NEO1: variants seen among roughly 807,000 people sequenced by gnomAD.
The protein encoded by NEO1 is neogenin 1.
Under a neutral mutation model 159.7 loss-of-function variants are expected in NEO1, and 63 were observed. That is an observed-to-expected ratio of 0.39 (90% CI 0.32 to 0.49). The LOEUF (loss-of-function observed/expected upper bound fraction) is 0.49, where lower values mean the gene tolerates loss of function less well. NEO1 is among the 20% of genes least tolerant of loss of function. The probability of loss-of-function intolerance (pLI) is 0.85; values close to 1 mark genes in which losing one functional copy is unlikely to be tolerated. For missense variants in NEO1, 1,615 were observed against 1,831.0 expected (o/e 0.88, Z 2.15); for synonymous variants, 633 against 662.0 (o/e 0.96, Z 0.67).
chr15:73,148,523 TC>T (rs1567315020), intron 5 of NEO1, among the ~76,000 whole-genome samples: 1 of 152,122 alleles, frequency 6.6e-6, no homozygotes, highest in South Asian at 2.1e-4. Flanking sequence ...TTGTATTTCT[TC>T]CCCCGCTACC....
chr15:73,259,482 C>G (rs929120727), intron 14 of NEO1, among the ~76,000 whole-genome samples: 6 of 151,834 alleles, frequency 4.0e-5, no homozygotes, highest in African/African-American at 1.5e-4. Flanking sequence ...CCACCTCAGC[C>G]TCCTGAGCAG....
intron 21 of NEO1, among the ~76,000 whole-genome samples, chr15:73,275,708 C>G (rs1250767370): frequency 6.6e-6 from 1 of 151,910 alleles, no homozygotes; most frequent in Non-Finnish European, 1.5e-5. Flanking sequence ...GGGGACCTAG[C>G]AAACAGGGGC....
At chr15:73,209,374 A>G (rs1381904311) in intron 7 of NEO1, among the ~76,000 whole-genome samples, 4 of 152,326 alleles carry the variant, frequency 2.6e-5, no homozygotes, top group East Asian at 3.9e-4. Context: ...TATTTTTAAT[A>G]AAGTGCTATG....
Position 73,244,471 on chromosome 15 carries a change from C to G in NEO1, c.1579C>G (p.Pro527Ala), listed in dbSNP as rs1319768408. ...GCATGGCTCAGGAGAGAGTTCAGCT[C>G]CACTGCGAGTAGAAACACAACCTGA... ...NKHGSGESSA[P>A]LRVETQPEVQ... Residue 527 changes from proline (P) to alanine (A), a missense_variant, in exon 9 of 29, where the codon CCA becomes GCA. Pro to Ala is a conservative substitution (Grantham distance 27). This residue lies in a region of NEO1 where 1,018 missense variants were observed against 1,115.4 expected (regional missense o/e 0.91). Coordinates refer to ENST00000261908, the MANE Select transcript of NEO1 (RefSeq NM_002499.4). 4 of 1,613,746 alleles carry G rather than the reference C, an allele frequency of 2.5e-6. No homozygotes were observed. Among genetic ancestry groups the G allele is most frequent in the African/African-American group, 1.3e-5 (1 of 74,996 alleles).
intron 1 of NEO1, among the ~76,000 whole-genome samples, chr15:73,068,233 C>CCCTT (rs1555421034): frequency 7.3e-6 from 1 of 136,564 alleles, no homozygotes; most frequent in Admixed American, 7.5e-5. Flanking sequence ...ACCCCCCCCC[C>CCCTT]TTTTTTTTTG....
At chr15:73,228,160 T>A (rs2038698405) in intron 7 of NEO1, among the ~76,000 whole-genome samples, 1 of 152,226 alleles carries the variant, frequency 6.6e-6, no homozygotes, top group African/African-American at 2.4e-5. Flanking sequence ...TATCAAAGAC[T>A]TTTATAAATG....
chr15:73,141,110 A>G (rs1395764177), intron 5 of NEO1, among the ~76,000 whole-genome samples: 2 of 152,204 alleles, frequency 1.3e-5, no homozygotes, highest in Admixed American at 6.5e-5. Flanking sequence ...TATAACTCAT[A>G]ATGTGCAAAA....
At chr15:73,219,729 G>A (rs2038121841) in intron 7 of NEO1, among the ~76,000 whole-genome samples, 1 of 135,702 alleles carries the variant, frequency 7.4e-6, no homozygotes, top group Admixed American at 7.7e-5. Context: ...TGTTTTATCA[G>A]AGACTAGGAT....
chr15:73,221,059 A>G (rs2038225710), intron 7 of NEO1, among the ~76,000 whole-genome samples: 1 of 151,864 alleles, frequency 6.6e-6, no homozygotes, highest in Non-Finnish European at 1.5e-5. Context: ...TTGTGGTTTT[A>G]TCTACTTTTG....
intron 1 of NEO1, among the ~76,000 whole-genome samples, chr15:73,108,706 A>G (rs551494766): frequency 1.3e-5 from 2 of 152,346 alleles, no homozygotes; most frequent in East Asian, 3.9e-4. Flanking sequence ...GCGTAGAAGG[A>G]TAGAGGACTA....
chr15:73,207,426 C>G (rs937595147), intron 7 of NEO1, among the ~76,000 whole-genome samples: 1 of 152,178 alleles, frequency 6.6e-6, no homozygotes, highest in Admixed American at 6.5e-5. Context: ...GAAACTTCCT[C>G]CCTCAAGTTG....
intron 22 of NEO1, among the ~76,000 whole-genome samples, chr15:73,281,268 C>A (rs113162127): frequency 9.7e-5 from 10 of 103,090 alleles, no homozygotes; most frequent in Non-Finnish European, 1.4e-4. Context: ...GAGATTTTTT[C>A]CCCCCTAGAC....
chr15:73,112,308 A>T (rs2071043223), intron 1 of NEO1, among the ~76,000 whole-genome samples: 1 of 152,158 alleles, frequency 6.6e-6, no homozygotes, highest in African/African-American at 2.4e-5. Context: ...TTGTTGGAAC[A>T]TAGCTTCACC....
chr15:73,201,468 T>G (rs2036883156), intron 7 of NEO1, among the ~76,000 whole-genome samples: 1 of 152,158 alleles, frequency 6.6e-6, no homozygotes, highest in Admixed American at 6.5e-5. Flanking sequence ...TTAAAGTATA[T>G]TTTATGTCCC....
intron 1 of NEO1, among the ~76,000 whole-genome samples, chr15:73,053,233 TC>T (rs1384905391): frequency 6.6e-6 from 1 of 152,142 alleles, no homozygotes; most frequent in Non-Finnish European, 1.5e-5. Context: ...GGGCTTGAGC[TC>T]CTGGTTCCCT....
chr15:73,161,724 A>G lies in NEO1; in HGVS notation c.1016-14679A>G, dbSNP rs1253308133. 2 of 204,076 alleles carry G rather than the reference A, an allele frequency of 9.8e-6. 1 individual carries two copies. The highest frequency in any genetic ancestry group is 2.0e-5 in the Non-Finnish European group (2 of 101,266). 12.6% of individuals were successfully genotyped at this position (204,076 alleles called of 1,614,324 possible). A position where few individuals can be genotyped will look rare whatever the true frequency, so the allele number is the denominator to read the frequency against. On this transcript the variant is annotated intron_variant, in intron 5 of 28. Coordinates refer to ENST00000261908, the MANE Select transcript of NEO1 (RefSeq NM_002499.4). ...AGGACAACTGTATATCAAATGTTAC[A>G]TAAGTGAAATAAGATGGAAACATTT...
intron 5 of NEO1, among the ~76,000 whole-genome samples, chr15:73,165,143 A>C (rs1371277485): frequency 7.6e-6 from 1 of 132,152 alleles, no homozygotes; most frequent in Non-Finnish European, 1.6e-5. Flanking sequence ...TATGTTGCCT[A>C]GACTCCAGTC....
At chr15:73,247,232 G>A (rs1287422260) in intron 9 of NEO1, among the ~76,000 whole-genome samples, 1 of 152,058 alleles carries the variant, frequency 6.6e-6, no homozygotes, top group East Asian at 1.9e-4. Flanking sequence ...TGTGGGGGAG[G>A]CATAAATGTT....
At chr15:73,276,450 G>GA (rs1169766643) in intron 21 of NEO1, among the ~76,000 whole-genome samples, 1 of 152,232 alleles carries the variant, frequency 6.6e-6, no homozygotes, top group Non-Finnish European at 1.5e-5. Context: ...TTGTCATAGT[G>GA]AAAAGCATAT....
Sources: allele counts gnomAD v4.1 joint callset (sites outside exome capture counted in the v4.1 genomes callset), GRCh38; gene constraint gnomAD v4.1.1; regional missense constraint gnomAD v4.1.1; transcripts MANE v1.5; gene names NCBI Gene and HGNC (gene_info 2026-07-23, HGNC 2026-07-21).